Variants in KCNIP4 observed in about 807,000 individuals in gnomAD.
The protein encoded by KCNIP4 is Kv channel-interacting protein 4.
KCNIP4 carries 12 observed loss-of-function variants against 34.0 expected under a neutral mutation model. The observed-to-expected ratio is 0.35, with a 90% CI of 0.23 to 0.57. The LOEUF is 0.57. Among genes scored for constraint, KCNIP4 ranks in the 20% least tolerant of loss-of-function variants. The pLI, the probability that KCNIP4 is intolerant of heterozygous loss-of-function variation, is 0.83. For synonymous variants in KCNIP4, 124 were observed against 102.2 expected, an observed-to-expected ratio of 1.21 and a Z score of -1.29; for missense variants, 238 against 311.7, an observed-to-expected ratio of 0.76 and a Z score of 1.78.
intron 1 of KCNIP4, among the ~76,000 whole-genome samples, chr4:21,027,758 G>T (rs770839106): frequency 1.3e-5 from 2 of 151,896 alleles, no homozygotes; most frequent in Non-Finnish European, 2.9e-5. Flanking sequence ...GGAAAGGACC[G>T]TTTGTCTAAT....
intron 1 of KCNIP4, among the ~76,000 whole-genome samples, chr4:21,575,940 C>T (rs899959990): frequency 6.6e-6 from 1 of 152,160 alleles, no homozygotes; most frequent in African/African-American, 2.4e-5. Flanking sequence ...ATAGAGTCAT[C>T]AGATGGAAGG....
At chr4:21,303,787 ACTAAAAAGCACTCCCTTAC>A in intron 1 of KCNIP4, 1 of 1,591,292 alleles carries the variant, frequency 6.3e-7, no homozygotes, top group South Asian at 1.1e-5. Flanking sequence ...TTTAGAAGTC[ACTAAAAAGCACTCCCTTAC>A]CTTCTAAACC....
At chr4:21,179,769 A>G (rs1754708706) in intron 1 of KCNIP4, among the ~76,000 whole-genome samples, 1 of 152,218 alleles carries the variant, frequency 6.6e-6, no homozygotes, top group Non-Finnish European at 1.5e-5. Context: ...TCTTTCTATA[A>G]TAGGTGAGAA....
chr4:21,878,313 C>G (rs561933109), intron 1 of KCNIP4, among the ~76,000 whole-genome samples: 1 of 152,042 alleles, frequency 6.6e-6, no homozygotes, highest in African/African-American at 2.4e-5. Flanking sequence ...TAATCTCAAG[C>G]GATCCACCTG....
At chr4:20,747,153 A>G (rs1300775233) in intron 5 of KCNIP4, among the ~76,000 whole-genome samples, 3 of 152,180 alleles carry the variant, frequency 2.0e-5, no homozygotes, top group Admixed American at 1.3e-4. Context: ...TTTTACATAA[A>G]TATTATAAAA....
At chr4:21,483,967 C>T (rs1288586802) in intron 1 of KCNIP4, among the ~76,000 whole-genome samples, 2 of 151,676 alleles carry the variant, frequency 1.3e-5, no homozygotes, top group African/African-American at 4.9e-5. Context: ...CAGCATCATG[C>T]TTCCTGTACA....
chr4:21,870,897 C>T (rs1260296669), intron 1 of KCNIP4, among the ~76,000 whole-genome samples: 1 of 152,004 alleles, frequency 6.6e-6, no homozygotes, highest in Admixed American at 6.6e-5. Context: ...TAACATACTA[C>T]ATGGATTAGA....
intron 1 of KCNIP4, among the ~76,000 whole-genome samples, chr4:21,190,238 G>A (rs1009137824): frequency 3.3e-5 from 5 of 152,156 alleles, no homozygotes; most frequent in African/African-American, 9.7e-5. Flanking sequence ...TCTGATTACA[G>A]ACCACTGCAG....
intron 1 of KCNIP4, among the ~76,000 whole-genome samples, chr4:21,857,037 G>T (rs181063566): frequency 3.4e-4 from 52 of 152,256 alleles, no homozygotes; most frequent in African/African-American, 1.2e-3. Context: ...AGGCAGATAG[G>T]CTCCTGGGTG....
At chr4:20,994,489 T>C (rs999406978) in intron 1 of KCNIP4, among the ~76,000 whole-genome samples, 1 of 152,164 alleles carries the variant, frequency 6.6e-6, no homozygotes, top group Non-Finnish European at 1.5e-5. Flanking sequence ...GAAAGGACTT[T>C]GAGGAAAGTA....
chr4:21,835,765 A>G (rs2109312147), intron 1 of KCNIP4, among the ~76,000 whole-genome samples: 1 of 152,318 alleles, frequency 6.6e-6, no homozygotes, highest in East Asian at 1.9e-4. Context: ...TACTGTTTAT[A>G]AAGACTAGAA....
At chr4:21,419,061 G>A (rs1411827608) in intron 1 of KCNIP4, among the ~76,000 whole-genome samples, 1 of 152,150 alleles carries the variant, frequency 6.6e-6, no homozygotes, top group Non-Finnish European at 1.5e-5. Flanking sequence ...GTTTTCACCT[G>A]TCCTCCATAA....
intron 3 of KCNIP4, among the ~76,000 whole-genome samples, chr4:20,838,923 T>C (rs569502908): frequency 7.9e-5 from 12 of 152,332 alleles, no homozygotes; most frequent in Admixed American, 2.0e-4. Flanking sequence ...TTTTAAAAAC[T>C]ACCTACATTT....
At chr4:20,741,482 T>C (rs1258575899) in intron 5 of KCNIP4, among the ~76,000 whole-genome samples, 2 of 152,040 alleles carry the variant, frequency 1.3e-5, no homozygotes, top group African/African-American at 4.8e-5. Flanking sequence ...GGGTAGATAA[T>C]GAAATGAAGG....
At chr4:20,831,167 G>C (rs1448167286) in intron 3 of KCNIP4, among the ~76,000 whole-genome samples, 1 of 151,902 alleles carries the variant, frequency 6.6e-6, no homozygotes, top group Non-Finnish European at 1.5e-5. Context: ...GAAGGGCTCA[G>C]CAATTGAGCA....
intron 1 of KCNIP4, among the ~76,000 whole-genome samples, chr4:21,390,929 A>G (rs1722502545): frequency 6.6e-6 from 1 of 152,200 alleles, no homozygotes; most frequent in East Asian, 1.9e-4. Flanking sequence ...CATTCCTGCC[A>G]ACAGTGCATG....
At chr4:21,745,487 GT>G (rs991470767) in intron 1 of KCNIP4, among the ~76,000 whole-genome samples, 1 of 152,096 alleles carries the variant, frequency 6.6e-6, no homozygotes, top group Non-Finnish European at 1.5e-5. Flanking sequence ...ACATGAGACA[GT>G]TCAGGGCATA....
intron 1 of KCNIP4, among the ~76,000 whole-genome samples, chr4:21,888,556 A>C (rs1204060964): frequency 1.3e-5 from 2 of 152,144 alleles, no homozygotes; most frequent in Non-Finnish European, 2.9e-5. Context: ...AGGACACATA[A>C]GGGTGATTAG....
chr4:21,539,718 C>T (rs1737513014), intron 1 of KCNIP4, among the ~76,000 whole-genome samples: 1 of 152,052 alleles, frequency 6.6e-6, no homozygotes, highest in African/African-American at 2.4e-5. Context: ...CAGTGGCTCA[C>T]GTTTGTAATC....
Sources: allele counts gnomAD v4.1 joint callset (sites outside exome capture counted in the v4.1 genomes callset), GRCh38; gene constraint gnomAD v4.1.1; transcripts MANE v1.5; gene names NCBI Gene and HGNC (gene_info 2026-07-23, HGNC 2026-07-21).